The following EYA4 variants were observed in gnomAD, a reference collection of about 807,000 sequenced individuals.
The protein encoded by EYA4 is EYA transcriptional coactivator and phosphatase 4.
In EYA4, 31 loss-of-function variants were observed where a neutral mutation model predicts 87.9. The observed-to-expected ratio is 0.35, with a 90% CI of 0.27 to 0.48. The LOEUF (loss-of-function observed/expected upper bound fraction) is 0.48. EYA4 is among the 20% of genes least tolerant of loss of function. The pLI, the probability that EYA4 is intolerant of heterozygous loss-of-function variation, is 0.99. For synonymous variants in EYA4, 263 were observed against 270.6 expected, an observed-to-expected ratio of 0.97 and a Z score of 0.28; for missense variants, 678 against 761.4, an observed-to-expected ratio of 0.89 and a Z score of 1.29.
intron 1 of EYA4, among the ~76,000 whole-genome samples, chr6:133,255,231 C>G (rs1408557613): frequency 1.3e-5 from 2 of 151,612 alleles, no homozygotes; most frequent in Admixed American, 1.3e-4. Flanking sequence ...ATTCATGCTG[C>G]TAAAGCAAGT....
chr6:133,393,460 T>A (rs1018316828), intron 3 of EYA4, among the ~76,000 whole-genome samples: 9 of 151,726 alleles, frequency 5.9e-5, no homozygotes, highest in Non-Finnish European at 1.3e-4. Flanking sequence ...AGGGGAATGG[T>A]TGTGGTTTTA....
chr6:133,347,826 T>C (rs1783311583), intron 2 of EYA4, among the ~76,000 whole-genome samples: 1 of 152,222 alleles, frequency 6.6e-6, no homozygotes, highest in Non-Finnish European at 1.5e-5. Flanking sequence ...AGATACTGCA[T>C]GTTTCAAACT....
chr6:133,419,243 G>A (rs536623762), intron 3 of EYA4, among the ~76,000 whole-genome samples: 24 of 152,290 alleles, frequency 1.6e-4, no homozygotes, highest in South Asian at 6.2e-4. Context: ...CACTGTGACC[G>A]TGAGGGATGT....
At position 133,331,027 on chromosome 6, in the gene EYA4, G is replaced by GTTTT. The variant is rs71636692; in HGVS notation, c.34-51347_34-51344dup. Among the ~76,000 whole-genome samples, 112 of 113,608 alleles carry GTTTT rather than the reference G, an allele frequency of 9.9e-4. 5 individuals carry two copies. The highest frequency in any genetic ancestry group is 2.3e-3 in the East Asian group (8 of 3,486). The allele number at this position is 113,608 out of a possible 152,430, so 74.5% of individuals were successfully genotyped here. A position where few individuals can be genotyped will look rare whatever the true frequency, so the allele number is the denominator to read the frequency against. On this transcript the variant is annotated intron_variant, in intron 2 of 19. Coordinates refer to ENST00000355286, the MANE Select transcript of EYA4 (RefSeq NM_004100.5). ...TTGATTATTTTGTATAACCAAACGG[G>GTTTT]TTTTTTTTTTTTTTTTTTTTTGCAC...
chr6:133,516,734 A>AG (rs994792866), intron 17 of EYA4, among the ~76,000 whole-genome samples: 1 of 151,762 alleles, frequency 6.6e-6, no homozygotes, highest in Non-Finnish European at 1.5e-5. Context: ...AAAAAAAAAA[A>AG]AAGTAAAGAA....
In EYA4 at chr6:133,394,282, GTGTTTTTTTTT is replaced by G. The variant is rs1277318953; in HGVS notation, c.83+11843_83+11853del. On this transcript the variant is annotated intron_variant, in intron 3 of 19. Coordinates refer to ENST00000355286, the MANE Select transcript of EYA4 (RefSeq NM_004100.5). ...GTTGGAAAAATGTATATATAAGCTTGTGTTTTTTTTTTTTTTTTTTTTTTTTTTTTTTTTTT... is the reference window on the plus strand; with the variant it reads ...GTTGGAAAAATGTATATATAAGCTTGTTTTTTTTTTTTTTTTTTTTTTTTT... 1.4e-4 allele frequency among the ~76,000 whole-genome samples: 15 copies of G among 107,844 alleles called. 1 individual carries two copies. Among genetic ancestry groups the G allele is most frequent in the Admixed American group, 6.2e-4 (6 of 9,750 alleles). The allele number at this position is 107,844 out of a possible 152,430, so 70.7% of individuals were successfully genotyped here. A position where few individuals can be genotyped will look rare whatever the true frequency, so the allele number is the denominator to read the frequency against.
At chr6:133,490,891 A>T (rs1029700899) in intron 13 of EYA4, among the ~76,000 whole-genome samples, 2 of 152,178 alleles carry the variant, frequency 1.3e-5, no homozygotes, top group African/African-American at 4.8e-5. Flanking sequence ...ATTTAATACA[A>T]CAACTGCAGA....
At chr6:133,398,015 C>T (rs374382489) in intron 3 of EYA4, among the ~76,000 whole-genome samples, 9 of 152,258 alleles carry the variant, frequency 5.9e-5, no homozygotes, top group Middle Eastern at 3.4e-3. Flanking sequence ...TTTTGTGTGT[C>T]TTTTCCCCTA....
chr6:133,443,234 G>A (rs1346285344), intron 3 of EYA4, among the ~76,000 whole-genome samples: 1 of 151,714 alleles, frequency 6.6e-6, no homozygotes, highest in Non-Finnish European at 1.5e-5. Context: ...AGCAAAAAAA[G>A]TTTGCTAGTG....
At chr6:133,338,144 G>T (rs1363282072) in intron 2 of EYA4, among the ~76,000 whole-genome samples, 5 of 152,040 alleles carry the variant, frequency 3.3e-5, no homozygotes, top group Admixed American at 3.3e-4. Context: ...TACTTTGTGG[G>T]CTTACCATCT....
chr6:133,439,849 GC>G (rs1205782024), intron 3 of EYA4, among the ~76,000 whole-genome samples: 1 of 152,160 alleles, frequency 6.6e-6, no homozygotes, highest in African/African-American at 2.4e-5. Context: ...ATCTGGTGTG[GC>G]CCAAGGCTCC....
chr6:133,242,808 G>A (rs1000508675), intron 1 of EYA4, among the ~76,000 whole-genome samples: 2 of 152,300 alleles, frequency 1.3e-5, no homozygotes, highest in African/African-American at 4.8e-5. Context: ...TGGGAGGATA[G>A]TGTTTCCCTT....
intron 2 of EYA4, among the ~76,000 whole-genome samples, chr6:133,337,165 G>C (rs1782431567): frequency 6.6e-6 from 1 of 152,144 alleles, no homozygotes; most frequent in Non-Finnish European, 1.5e-5. Flanking sequence ...GCTTAAAGTT[G>C]AATAGTGTCT....
At chr6:133,402,784 G>A (rs147084157) in intron 3 of EYA4, among the ~76,000 whole-genome samples, 219 of 152,244 alleles carry the variant, frequency 1.4e-3, no homozygotes, top group Non-Finnish European at 2.1e-3. Flanking sequence ...ATAACAGAAT[G>A]AATCTATTTG....
chr6:133,450,779 G>C (rs151076685), intron 5 of EYA4, among the ~76,000 whole-genome samples: 1 of 152,186 alleles, frequency 6.6e-6, no homozygotes, highest in African/African-American at 2.4e-5. Flanking sequence ...CCAAAGTGTC[G>C]GGATTACAGG....
intron 2 of EYA4, among the ~76,000 whole-genome samples, chr6:133,327,656 T>G (rs745873864): frequency 1.3e-5 from 2 of 152,102 alleles, no homozygotes; most frequent in Non-Finnish European, 2.9e-5. Context: ...CATCCTAGAG[T>G]CAAAATGCTT....
intron 19 of EYA4, among the ~76,000 whole-genome samples, chr6:133,527,176 T>C (rs983507179): frequency 6.6e-6 from 1 of 152,196 alleles, no homozygotes. Context: ...ACAGAGGTGA[T>C]TGGTTTCTCT....
intron 2 of EYA4, among the ~76,000 whole-genome samples, chr6:133,361,674 G>A (rs1282979639): frequency 6.6e-6 from 1 of 152,148 alleles, no homozygotes; most frequent in Non-Finnish European, 1.5e-5. Context: ...AAGACCTCCT[G>A]GGCCAATTGA....
intron 3 of EYA4, among the ~76,000 whole-genome samples, chr6:133,386,742 C>T (rs959242426): frequency 6.6e-6 from 1 of 152,128 alleles, no homozygotes; most frequent in Non-Finnish European, 1.5e-5. Context: ...CCTTTAGTAG[C>T]TTTGTTTCAT....
Sources: allele counts gnomAD v4.1 joint callset (sites outside exome capture counted in the v4.1 genomes callset), GRCh38; gene constraint gnomAD v4.1.1; transcripts MANE v1.5; gene names NCBI Gene and HGNC (gene_info 2026-07-23, HGNC 2026-07-21).